Variants in SP7 observed in about 807,000 individuals in gnomAD.
The protein encoded by SP7 is Sp7 transcription factor.
In SP7, 13 loss-of-function variants were observed where a neutral mutation model predicts 27.9. That is an observed-to-expected ratio of 0.47 (90% confidence interval 0.30 to 0.74). The LOEUF (loss-of-function observed/expected upper bound fraction) is 0.74. Ranked by LOEUF, SP7 falls within the 30% of genes least tolerant of loss-of-function variation. The pLI is 0.06. For missense variants in SP7, 525 were observed against 558.0 expected (o/e 0.94, Z 0.60); for synonymous variants, 219 against 226.7 (o/e 0.97, Z 0.31).
At chr12:53,332,750 G>A (rs978527003) in intron 2 of SP7, among the ~76,000 whole-genome samples, 2 of 152,090 alleles carry the variant, frequency 1.3e-5, no homozygotes, top group African/African-American at 4.8e-5. Flanking sequence ...GGGGGAGGAG[G>A]AGGAAGAAGG....
intron 2 of SP7, among the ~76,000 whole-genome samples, chr12:53,332,846 C>A (rs563394319): frequency 6.6e-6 from 1 of 152,266 alleles, no homozygotes; most frequent in South Asian, 2.1e-4. Context: ...CTTCTCCCCC[C>A]TGACCGCCCC....
In SP7 at chr12:53,330,735, A is replaced by G. The variant is rs77515706; in HGVS notation, c.22-1315T>C. 2.4e-3 allele frequency among the ~76,000 whole-genome samples: 359 copies of G among 152,314 alleles called. 5 individuals are homozygous for G. The East Asian group carries it at 0.065, about 28-fold the overall frequency. The stretch of plus-strand genomic sequence containing the variant: ...TGACAGATTTTCCCAGCTTCATCCC[A>G]TACCCGATATTCCATTTCCTGTCGC... On this transcript the variant is annotated intron_variant, in intron 2 of 2. Coordinates refer to ENST00000536324, the MANE Select transcript of SP7 (RefSeq NM_001173467.3).
At chr12:53,342,358 T>G (rs2136855181) in intron 1 of SP7, among the ~76,000 whole-genome samples, 1 of 152,318 alleles carries the variant, frequency 6.6e-6, no homozygotes, top group African/African-American at 2.4e-5. Flanking sequence ...GGAATGAACT[T>G]AAAGAACATT....
In SP7 at chr12:53,343,365, G is replaced by A. The variant is rs78088072; in HGVS notation, c.-34+1749C>T. Among the ~76,000 whole-genome samples the A allele has an allele frequency of 5.8e-3, 889 of 152,206 alleles. 10 individuals carry two copies. The highest frequency in any genetic ancestry group is 0.019 in the African/African-American group (789 of 41,534). ...CAAGGGGCCTAGACTTGATCCAAAG[G>A]CAATATATGAGAATACTCGTATATT... is the stretch of plus-strand genomic sequence containing the variant. On this transcript the variant is annotated intron_variant, in intron 1 of 1. Transcript: ENST00000547755.
rs965899256 is a variant in SP7, at chr12:53,344,720, G to A, written c.-34+394C>T. The stretch of plus-strand genomic sequence containing the variant: ...AGGACAGGACAGGTCGTGAGCTCCG[G>A]GGCTGCTGGGAGGTCTCTTGCGGCC... On this transcript the variant is annotated intron_variant, in intron 1 of 1. Transcript: ENST00000547755. This position sits in a 1 kb window ranked among gnomAD's most constrained non-coding sequence, Gnocchi z 4.6. Among the ~76,000 whole-genome samples the A allele has an allele frequency of 5.9e-5, 9 of 152,168 alleles. No individual in the cohort carries two copies. The highest frequency in any genetic ancestry group is 5.9e-5 in the Non-Finnish European group (4 of 68,014).
intron 1 of SP7, among the ~76,000 whole-genome samples, chr12:53,341,553 A>C (rs1944822639): frequency 6.6e-6 from 1 of 152,214 alleles, no homozygotes; most frequent in South Asian, 2.1e-4. Flanking sequence ...CATGAAATAT[A>C]CTAGTGTCTT....
At chr12:53,341,437 C>T (rs1265657872) in intron 1 of SP7, among the ~76,000 whole-genome samples, 1 of 152,212 alleles carries the variant, frequency 6.6e-6, no homozygotes, top group Non-Finnish European at 1.5e-5. Flanking sequence ...ACAAGGGGAC[C>T]TGTCCTGGAT....
At position 53,328,966 on chromosome 12, in the gene SP7, C is replaced by T; in HGVS notation, c.476G>A (p.Trp159Ter). ...CCAGTTGCCTCCAGGGTGCATATCC[C>T]ACCATGGAGTAGGAGTGTTGCCTGG... Reference protein sequence around the residue: ...PGPGNTPTPWWDMHPGGNWLG... With the variant: ...PGPGNTPTPW Residue 159 changes from tryptophan (W) to a stop codon, truncating the protein, a stop_gained, in exon 3 of 3, where the codon TGG (tryptophan) becomes TAG (stop). Coordinates refer to ENST00000536324, the MANE Select transcript of SP7 (RefSeq NM_001173467.3). LOFTEE classifies it high-confidence loss of function. The surrounding 1 kb of genome is among the most constrained non-coding windows in gnomAD (Gnocchi z 5.1). 1.2e-6 allele frequency: 2 copies of T among 1,612,314 alleles called. No individual in the cohort carries two copies. The highest frequency in any genetic ancestry group is 1.7e-6 in the Non-Finnish European group (2 of 1,179,120).
chr12:53,329,888 C>T (rs1052756993), intron 2 of SP7, among the ~76,000 whole-genome samples: 3 of 151,876 alleles, frequency 2.0e-5, no homozygotes, highest in Admixed American at 6.6e-5. Flanking sequence ...CCCACCACCA[C>T]ACCTGGCTAA....
chr12:53,330,376 G>T (rs1944690989), intron 2 of SP7, among the ~76,000 whole-genome samples: 1 of 152,102 alleles, frequency 6.6e-6, no homozygotes, highest in Non-Finnish European at 1.5e-5. Flanking sequence ...TAGAGACAGG[G>T]TCTCACTCTG....
At chr12:53,340,456 T>A (rs1478868915), upstream of SP7, among the ~76,000 whole-genome samples, 2 of 152,160 alleles carry the variant, frequency 1.3e-5, no homozygotes, top group Non-Finnish European at 2.9e-5. Flanking sequence ...CTTTAGGTAC[T>A]TTTGATCCAA....
At chr12:53,335,538 A>C in intron 2 of SP7, 88 bp downstream of exon 2, 1 of 742,582 alleles carries the variant, frequency 1.3e-6, no homozygotes, top group Non-Finnish European at 2.4e-6. Flanking sequence ...CACAGCTACT[A>C]TCTATGTGAG....
upstream of SP7, among the ~76,000 whole-genome samples, chr12:53,336,728 CTGTGTGTGTGTACGTGCCCGTGTGTGTG>C (rs1347087102): frequency 4.2e-4 from 64 of 151,818 alleles, no homozygotes; most frequent in Middle Eastern, 3.4e-3. Flanking sequence ...GTATGTGCCC[CTGTGTGTGTGTACGTGCCCGTGTGTGTG>C]TGTGTGTGTG....
Position 53,328,035 on chromosome 12 carries a change from AG to A in SP7, c.*110del. 8.8e-7 allele frequency: 1 copy of A among 1,133,504 alleles called. No individual in the cohort carries two copies. Among genetic ancestry groups the A allele is most frequent in the South Asian group, 1.6e-5 (1 of 61,314 alleles). The allele number at this position is 1,133,504 out of a possible 1,614,324, so 70.2% of individuals were successfully genotyped here. A position where few individuals can be genotyped will look rare whatever the true frequency, so the allele number is the denominator to read the frequency against. On this transcript the variant is annotated 3_prime_UTR_variant, in exon 3 of 3. Transcript: ENST00000536324. This position sits in a 1 kb window ranked among gnomAD's most constrained non-coding sequence, Gnocchi z 5.1. ...GGCCAGGAGGGAGACAGAGGGAGAG[AG>A]CCCCGAAGGATGGCATGCATGGGGT...
rs888491184 is a variant in SP7 at position 53,344,420 on chromosome 12, C to T, written c.-34+694G>A. ...TCCCCACCTTCCATCACCTCCCCTACATAGGAACCCGCTGTAAGTTATAAG... is the reference window on the plus strand; with the variant it reads ...TCCCCACCTTCCATCACCTCCCCTATATAGGAACCCGCTGTAAGTTATAAG... On this transcript the variant is annotated intron_variant, in intron 1 of 1. Coordinates refer to the SP7 transcript ENST00000547755. This position sits in a 1 kb window ranked among gnomAD's most constrained non-coding sequence, Gnocchi z 4.6. Among the ~76,000 whole-genome samples, 15 of 152,064 alleles carry T rather than the reference C, an allele frequency of 9.9e-5. No homozygotes were observed. The highest frequency in any genetic ancestry group is 3.6e-4 in the African/African-American group (15 of 41,398).
chr12:53,337,470 A>AG (rs1305050640), upstream of SP7, among the ~76,000 whole-genome samples: 4 of 152,218 alleles, frequency 2.6e-5, no homozygotes, highest in South Asian at 2.1e-4. Flanking sequence ...GCTCTCCCAC[A>AG]GGGGGGCTTA....
chr12:53,328,159 A>C lies in SP7; in HGVS notation c.1283T>G (p.Leu428Trp). ...CTTCCACCCGGCTCAGATCTCCAGC[A>C]AGTTGCTCTGCTCAGGGCTGCCTCC... is the stretch of plus-strand genomic sequence containing the variant. ...APGGSPEQSN[L>W]LEI Residue 428 changes from leucine (L) to tryptophan (W), a missense_variant, in exon 3 of 3, where the codon TTG becomes TGG. Transcript: ENST00000536324. This position sits in a 1 kb window ranked among gnomAD's most constrained non-coding sequence, Gnocchi z 5.1. 6.2e-7 allele frequency: 1 copy of C among 1,611,512 alleles called. No individual in the cohort carries two copies. The highest frequency in any genetic ancestry group is 8.5e-7 in the Non-Finnish European group (1 of 1,179,214).
rs771769186 is a variant in SP7 at position 53,328,188 on chromosome 12, G to T, written c.1254C>A (p.Ala418=). The change falls in exon 3 of 3, where the codon GCC becomes GCA. Residue 418 remains alanine, a synonymous_variant. Transcript: ENST00000536324. This position sits in a 1 kb window ranked among gnomAD's most constrained non-coding sequence, Gnocchi z 5.1. The stretch of plus-strand genomic sequence containing the variant: ...TGCTCTGCTCAGGGCTGCCTCCAGG[G>T]GCTTTCTCTGGGGTTGCTGGCGAGG... The part of the protein sequence containing the change: ...PSASPATPEK[A]PGGSPEQSNL... 1.2e-6 allele frequency: 2 copies of T among 1,613,170 alleles called. No individual in the cohort carries two copies. Among genetic ancestry groups the T allele is most frequent in the South Asian group, 1.1e-5 (1 of 90,996 alleles).
rs1311194558 is a variant in SP7 at position 53,344,047 on chromosome 12, C to T, written c.-34+1067G>A. ...TGGGCGACAGAGCCAGACTCTGTCT[C>T]AAGAAAAAAAAAAATAAAAAAATAA... is the stretch of plus-strand genomic sequence containing the variant. On this transcript the variant is annotated intron_variant, in intron 1 of 1. Coordinates refer to the SP7 transcript ENST00000547755. The surrounding 1 kb of genome is among the most constrained non-coding windows in gnomAD (Gnocchi z 4.6). Among the ~76,000 whole-genome samples, 12 of 149,984 alleles carry T rather than the reference C, an allele frequency of 8.0e-5. No individual in the cohort carries two copies.
Sources: gnomAD v4.1 joint callset for allele counts (sites outside exome capture counted in the v4.1 genomes callset) on GRCh38, gnomAD v4.1.1 for gene constraint, Gnocchi (gnomAD v3.1) non-coding constraint, MANE v1.5 for transcripts, NCBI Gene and HGNC (gene_info 2026-07-23, HGNC 2026-07-21) for gene names.